Variants in ZNF469 observed in about 807,000 individuals in gnomAD.
The protein encoded by ZNF469 is zinc finger protein 469.
A neutral mutation model predicts 1.0 loss-of-function variants in ZNF469; 1 was observed. The ratio of observed to expected loss-of-function variants is 1.00; its 90% CI spans 0.35 to 4.73. The LOEUF (loss-of-function observed/expected upper bound fraction) is 4.73. Ranked by LOEUF, ZNF469 falls within the 30% of genes most tolerant of loss-of-function variation. The pLI is 0.16. For missense variants in ZNF469, 6,100 were observed against 5,356.3 expected (o/e 1.14, Z -4.33); for synonymous variants, 2,703 against 2,363.4 (o/e 1.14, Z -4.17).
chr16:88,318,565 G>T, the ZNF469 span, among the ~76,000 whole-genome samples: 1 of 152,240 alleles, frequency 6.6e-6, no homozygotes, highest in African/African-American at 2.4e-5. Context: ...GCAGGAGTGG[G>T]GTGGGGGATC....
chr16:88,117,734 G>T, the ZNF469 span, among the ~76,000 whole-genome samples: 3 of 152,218 alleles, frequency 2.0e-5, no homozygotes, highest in East Asian at 1.9e-4. Context: ...TGATGCTGCC[G>T]CACTGTTGCT....
rs2142297929 is a variant in ZNF469, at chr16:88,428,166, C to T, written c.696C>T (p.Ala232=). The T allele has an allele frequency of 2.6e-6, 4 of 1,550,192 alleles. No homozygotes were observed. Among genetic ancestry groups the T allele is most frequent in the Admixed American group, 2.0e-5 (1 of 51,006 alleles). ...ATCCCGAATACCAGGCCAGTGGGGC[C>T]GACTCCTGGCCTCCCGCTGCTGAGA... ...GSYPEYQASG[A]DSWPPAAENS... is the part of the protein sequence containing the mutation. The change falls in exon 3 of 3, where the codon GCC becomes GCT. Residue 232 remains alanine, a synonymous_variant. Coordinates refer to ENST00000565624, the MANE Select transcript of ZNF469 (RefSeq NM_001367624.2).
chr16:88,216,262 G>A, the ZNF469 span, among the ~76,000 whole-genome samples: 3 of 152,110 alleles, frequency 2.0e-5, no homozygotes, highest in Non-Finnish European at 4.4e-5. Flanking sequence ...TTGGGAGGCC[G>A]AGGCGGGTGG....
rs773580012 is a variant in ZNF469 at position 88,436,558 on chromosome 16, G to A, written c.9088G>A (p.Gly3030Ser). Residue 3030 changes from glycine (G) to serine (S), a missense_variant, in exon 3 of 3, where the codon GGT (glycine) becomes AGT (serine). Gly to Ser is a moderately conservative substitution (Grantham distance 56, BLOSUM62 0). Transcript: ENST00000565624. ...PPSLERERCD[G>S]GLPGNTHLLP... Reference sequence around the variant, plus strand: ...CAGCCTGGAGAGAGAACGCTGTGACGGTGGGCTTCCCGGGAACACCCACCT... The same window carrying A: ...CAGCCTGGAGAGAGAACGCTGTGACAGTGGGCTTCCCGGGAACACCCACCT... 19 of 1,549,646 alleles carry A rather than the reference G, an allele frequency of 1.2e-5. No homozygotes were observed. Among genetic ancestry groups the A allele is most frequent in the East Asian group, 4.9e-5 (2 of 40,938 alleles).
chr16:88,109,739 G>A, the ZNF469 span, among the ~76,000 whole-genome samples: 38 of 144,304 alleles, frequency 2.6e-4, 1 homozygote, highest in Non-Finnish European at 7.5e-5. Context: ...GGTGCTGAGC[G>A]TCTGTGTCCA....
chr16:88,320,342 T>C, the ZNF469 span, among the ~76,000 whole-genome samples: 3 of 152,336 alleles, frequency 2.0e-5, no homozygotes, highest in Admixed American at 6.5e-5. Flanking sequence ...GCCTTGCGTC[T>C]TCATCAGCAT....
At position 88,430,516 on chromosome 16, in the gene ZNF469, G is replaced by A. The variant is rs774526856; in HGVS notation, c.3046G>A (p.Ala1016Thr). The A allele has an allele frequency of 6.4e-5, 91 of 1,429,484 alleles. No homozygotes were observed. Among genetic ancestry groups the A allele is most frequent in the Non-Finnish European group, 7.8e-5 (86 of 1,101,496 alleles). 88.6% of individuals were successfully genotyped at this position (1,429,484 alleles called of 1,614,324 possible). ...ADPAPRVPRA[A>T]ALPEETRSSR... ...CCCCGCGCCCCGGGTCCCGAGAGCC[G>A]CCGCCCTCCCCGAGGAGACCCGCAG... The change falls in exon 3 of 3, where the codon GCC (alanine) becomes ACC (threonine). Residue 1016 changes from alanine to threonine, a missense_variant. Coordinates refer to ENST00000565624, the MANE Select transcript of ZNF469 (RefSeq NM_001367624.2).
chr16:88,159,779 T>G, the ZNF469 span, among the ~76,000 whole-genome samples: 1 of 152,192 alleles, frequency 6.6e-6, no homozygotes, highest in African/African-American at 2.4e-5. Flanking sequence ...CACAGACACA[T>G]GGGCAGCCAT....
Position 88,436,190 on chromosome 16 carries a change from G to A in ZNF469, c.8720G>A (p.Arg2907His), listed in dbSNP as rs756344990. Residue 2907 changes from arginine to histidine, a missense_variant, in exon 3 of 3, where the codon CGC (arginine) becomes CAC (histidine). By Grantham distance (29) the Arg-to-His change is conservative. Coordinates refer to ENST00000565624, the MANE Select transcript of ZNF469 (RefSeq NM_001367624.2). Reference sequence around the variant, plus strand: ...GGTGACCCCACGCTGGGCCCAGCCCGCCTGCCCACGGACCTCAGCGACTCC... The same window carrying A: ...GGTGACCCCACGCTGGGCCCAGCCCACCTGCCCACGGACCTCAGCGACTCC... ...EGGDPTLGPA[R>H]LPTDLSDSSS... 15 of 1,547,760 alleles carry A rather than the reference G, an allele frequency of 9.7e-6. 1 individual carries two copies. Among genetic ancestry groups the A allele is most frequent in the Non-Finnish European group, 9.6e-6 (11 of 1,146,876 alleles).
chr16:88,245,415 C>T, the ZNF469 span, among the ~76,000 whole-genome samples: 2 of 152,268 alleles, frequency 1.3e-5, no homozygotes, highest in Non-Finnish European at 1.5e-5. Flanking sequence ...CTTGGCCTCT[C>T]CCTCCTGGAC....
rs1012163074 is a variant in ZNF469 at position 88,428,061 on chromosome 16, C to G, written c.591C>G (p.Thr197=). 14 of 1,549,850 alleles carry G rather than the reference C, an allele frequency of 9.0e-6. No homozygotes were observed. The African/African-American group carries it at 1.9e-4, about 21-fold the overall frequency. ...PPSSFTSTNY[T]SPSATPRPPA... ...CCAGCTTTACCTCCACCAACTATAC[C>G]TCACCAAGCGCCACCCCCAGGCCCC... Residue 197 remains threonine (T), a synonymous_variant, in exon 3 of 3, where the codon ACC becomes ACG. Transcript: ENST00000565624.
At chr16:88,388,410 C>A (rs376544729) in intron 1 of ZNF469, among the ~76,000 whole-genome samples, 40 of 152,372 alleles carry the variant, frequency 2.6e-4, no homozygotes, top group African/African-American at 9.4e-4. Flanking sequence ...ACCGGCCGGG[C>A]ACGGCAGCCG....
the ZNF469 span, among the ~76,000 whole-genome samples, chr16:88,242,296 C>G: frequency 6.6e-6 from 1 of 152,236 alleles, no homozygotes; most frequent in African/African-American, 2.4e-5. Context: ...TTTCAAAATT[C>G]AAAATGCATT....
the ZNF469 span, among the ~76,000 whole-genome samples, chr16:88,140,950 A>C: frequency 6.6e-6 from 1 of 151,918 alleles, no homozygotes; most frequent in African/African-American, 2.4e-5. Context: ...CAAACAAACA[A>C]AAAAACAAAA....
the ZNF469 span, among the ~76,000 whole-genome samples, chr16:88,119,546 C>T: frequency 6.6e-6 from 1 of 152,258 alleles, no homozygotes; most frequent in Non-Finnish European, 1.5e-5. Flanking sequence ...CCTCGCTCCA[C>T]ATGCACTGAT....
intron 1 of ZNF469, among the ~76,000 whole-genome samples, chr16:88,409,703 G>A (rs1326126138): frequency 6.6e-6 from 1 of 152,232 alleles, no homozygotes; most frequent in Non-Finnish European, 1.5e-5. Flanking sequence ...TCACACGTGT[G>A]CAGCTCTGCG....
chr16:88,229,324 A>G, the ZNF469 span, among the ~76,000 whole-genome samples: 14 of 152,288 alleles, frequency 9.2e-5, no homozygotes, highest in South Asian at 6.2e-4. Context: ...GGAACCTGCC[A>G]CTCCTGGGAG....
At chr16:88,318,819 G>C in the ZNF469 span, among the ~76,000 whole-genome samples, 3 of 152,242 alleles carry the variant, frequency 2.0e-5, no homozygotes, top group Non-Finnish European at 4.4e-5. Flanking sequence ...CGAACAGCGC[G>C]TGCAAGGGGG....
Position 88,434,581 on chromosome 16 carries a change from G to A in ZNF469, c.7111G>A (p.Gly2371Arg), listed in dbSNP as rs886052408. 1.4e-5 allele frequency: 22 copies of A among 1,550,210 alleles called. No individual in the cohort carries two copies. The highest frequency in any genetic ancestry group is 1.8e-5 in the Non-Finnish European group (21 of 1,146,936). Reference sequence around the variant, plus strand: ...CCCCGCCTGCCTGGAAGGTGAGATGGGGACCAGCAGCAAGGAGCCGGAGGA... The same window carrying A: ...CCCCGCCTGCCTGGAAGGTGAGATGAGGACCAGCAGCAAGGAGCCGGAGGA... ...DSPACLEGEM[G>R]TSSKEPEDPG... Residue 2371 changes from glycine (G) to arginine (R), a missense_variant, in exon 3 of 3, where the codon GGG (glycine) becomes AGG (arginine). Physicochemically the swap from Gly to Arg is moderately radical, Grantham distance 125. Coordinates refer to ENST00000565624, the MANE Select transcript of ZNF469 (RefSeq NM_001367624.2).
Sources: gnomAD v4.1 joint callset for allele counts (sites outside exome capture counted in the v4.1 genomes callset) on GRCh38, gnomAD v4.1.1 for gene constraint, MANE v1.5 for transcripts, NCBI Gene and HGNC (gene_info 2026-07-23, HGNC 2026-07-21) for gene names.